Variants in CACNA1A observed in about 807,000 individuals in gnomAD.
CACNA1A encodes voltage-dependent P/Q-type calcium channel subunit alpha-1A.
CACNA1A carries 57 observed loss-of-function variants against 262.4 expected under a neutral mutation model. The ratio of observed to expected loss-of-function variants is 0.22; its 90% CI spans 0.18 to 0.27. The LOEUF (loss-of-function observed/expected upper bound fraction) is 0.27, where lower values mean the gene tolerates loss of function less well. Among genes scored for constraint, CACNA1A ranks in the 10% least tolerant of loss-of-function variants. CACNA1A has a pLI of 1.00. For missense variants in CACNA1A, 2,526 were observed against 3,562.8 expected (o/e 0.71, Z 7.41); for synonymous variants, 1,431 against 1,419.3 (o/e 1.01, Z -0.18).
rs528831342 is a variant in CACNA1A at position 13,252,241 on chromosome 19, T to A, written c.4866+750A>T. Among the ~76,000 whole-genome samples the A allele has an allele frequency of 1.7e-3, 235 of 140,844 alleles. 5 individuals are homozygous for A. In the South Asian group the frequency reaches 0.032, roughly 19 times the overall value. The allele number at this position is 140,844 out of a possible 152,430, so 92.4% of individuals were successfully genotyped here. ...CCATGCCTGGCTAATTAAAAAAAAA[T>A]TTTTTTTTTTTTTGTAGGGACAGGG... is the stretch of plus-strand genomic sequence containing the variant. On this transcript the variant is annotated intron_variant, in intron 30 of 46. Transcript: ENST00000360228.
chr19:13,503,170 T>A (rs1547985), intron 1 of CACNA1A, among the ~76,000 whole-genome samples: 110,299 of 152,056 alleles, frequency 0.73, 40,990 homozygotes, highest in African/African-American at 0.9. Flanking sequence ...CATACACAGA[T>A]GTGAGCAAAA....
At chr19:13,268,356 G>A (rs985372198) in intron 24 of CACNA1A, among the ~76,000 whole-genome samples, 9 of 151,956 alleles carry the variant, frequency 5.9e-5, no homozygotes, top group South Asian at 4.2e-4. Context: ...AGACTTGACC[G>A]CCATCAGAAT....
At chr19:13,260,019 G>C (rs114060162) in intron 26 of CACNA1A, 149 of 257,428 alleles carry the variant, frequency 5.8e-4, no homozygotes, top group African/African-American at 3.2e-3. Context: ...GCTGGGGGTG[G>C]GGTGGAGGGA....
chr19:13,224,831 G>T, intron 37 of CACNA1A, 59 bp from the exon 38 acceptor site: 1 of 1,274,574 alleles, frequency 7.8e-7, no homozygotes, highest in Non-Finnish European at 1.1e-6. Context: ...GGTCTCCCGT[G>T]AGCCGCGCCC....
In CACNA1A at chr19:13,212,717, C is replaced by T. The variant is rs1337457400; in HGVS notation, c.5964G>A (p.Gln1988=). The T allele has an allele frequency of 6.6e-7, 1 of 1,505,828 alleles. No individual in the cohort carries two copies. Among genetic ancestry groups the T allele is most frequent in the Non-Finnish European group, 8.9e-7 (1 of 1,128,038 alleles). The allele number at this position is 1,505,828 out of a possible 1,614,324, so 93.3% of individuals were successfully genotyped here. The change falls in exon 41 of 47, where the codon CAG becomes CAA. Residue 1988 remains glutamine (Q), a synonymous_variant. Coordinates refer to ENST00000360228, the MANE Select transcript of CACNA1A (RefSeq NM_001127222.2). The surrounding 1 kb of genome is among the most constrained non-coding windows in gnomAD (Gnocchi z 5.6). ...GCGTTGGGGACGGGGGCTCCATGCG[C>T]TGGAACATGAGGGGTGTCCGGTCCT... ...EEQDRTPLMF[Q]RMEPPSPTQE...
intron 30 of CACNA1A, among the ~76,000 whole-genome samples, chr19:13,246,500 C>T (rs1168422620): frequency 6.6e-6 from 1 of 152,170 alleles, no homozygotes; most frequent in Non-Finnish European, 1.5e-5. Context: ...GTAAAAAACC[C>T]TTCCCATCAA....
intron 36 of CACNA1A, chr19:13,229,703 A>T (rs746368031): frequency 5.9e-6 from 1 of 169,014 alleles, no homozygotes; most frequent in Admixed American, 6.0e-5. Flanking sequence ...TCCTCCCCAC[A>T]CTCTCAAGAG....
intron 28 of CACNA1A, among the ~76,000 whole-genome samples, chr19:13,255,677 C>T (rs111644363): frequency 0.027 from 3,859 of 144,916 alleles, 165 homozygotes; most frequent in African/African-American, 0.093. Context: ...TCGCTCCCTC[C>T]CTCCTTCCTT....
intron 43 of CACNA1A, chr19:13,211,008 T>G (rs1192782949): frequency 3.4e-6 from 1 of 292,892 alleles, no homozygotes; most frequent in Admixed American, 4.6e-5. Flanking sequence ...CCCCAACCCC[T>G]GGCTCCGGCC....
intron 37 of CACNA1A, chr19:13,224,981 T>G: frequency 2.1e-6 from 1 of 478,334 alleles, no homozygotes; most frequent in Non-Finnish European, 3.8e-6. Flanking sequence ...GTACTTCTGG[T>G]CCCCTGCCCT....
In CACNA1A at chr19:13,334,478, T is replaced by C; in HGVS notation, c.1098A>G (p.Glu366=). 4 of 1,609,090 alleles carry C rather than the reference T, an allele frequency of 2.5e-6. No homozygotes were observed. The highest frequency in any genetic ancestry group is 3.4e-6 in the Non-Finnish European group (4 of 1,175,604). ...CCCGCCGGTTCTCCACCCGTTCCCT[T>C]TCTTTGGCAAACTCCCTGGAGAAGC... The part of the protein sequence containing the change: ...LGVLSGEFAK[E]RERVENRRAF... Residue 366 remains glutamate, a synonymous_variant, in exon 8 of 47, where the codon GAA becomes GAG. Transcript: ENST00000360228.
chr19:13,499,851 C>T (rs1015291309), intron 1 of CACNA1A, among the ~76,000 whole-genome samples: 2 of 152,076 alleles, frequency 1.3e-5, no homozygotes, highest in Admixed American at 6.5e-5. Flanking sequence ...CTCGGAAATG[C>T]GTTACTGCAC....
intron 19 of CACNA1A, among the ~76,000 whole-genome samples, chr19:13,288,057 C>T (rs1027464222): frequency 6.6e-6 from 1 of 152,030 alleles, no homozygotes; most frequent in African/African-American, 2.4e-5. Flanking sequence ...TCCTCCTCGG[C>T]CTCCTAAAAT....
intron 6 of CACNA1A, among the ~76,000 whole-genome samples, chr19:13,350,285 C>A (rs2058883309): frequency 6.6e-6 from 1 of 152,132 alleles, no homozygotes; most frequent in Admixed American, 6.6e-5. Context: ...CTGAGCCAGA[C>A]ACGGATGGTG....
intron 22 of CACNA1A, among the ~76,000 whole-genome samples, chr19:13,282,013 C>T (rs2057303933): frequency 6.6e-6 from 1 of 152,252 alleles, no homozygotes. Flanking sequence ...GACACCTCCT[C>T]CCCACGCCTG....
At chr19:13,379,274 C>T (rs1470813806) in intron 3 of CACNA1A, among the ~76,000 whole-genome samples, 2 of 152,156 alleles carry the variant, frequency 1.3e-5, no homozygotes, top group East Asian at 3.8e-4. Context: ...TGTGCTCAGC[C>T]TTGATGGATT....
At chr19:13,486,537 A>G (rs1023320285) in intron 1 of CACNA1A, among the ~76,000 whole-genome samples, 1 of 152,238 alleles carries the variant, frequency 6.6e-6, no homozygotes, top group Non-Finnish European at 1.5e-5. Flanking sequence ...AAGATAACAT[A>G]GACACAGGAA....
intron 2 of CACNA1A, among the ~76,000 whole-genome samples, chr19:13,454,784 T>C (rs900163168): frequency 2.0e-5 from 3 of 151,964 alleles, no homozygotes; most frequent in Non-Finnish European, 4.4e-5. Flanking sequence ...GAGATCCCCA[T>C]CTCTACAAAA....
At chr19:13,495,881 C>G (rs1476389713) in intron 1 of CACNA1A, among the ~76,000 whole-genome samples, 1 of 152,042 alleles carries the variant, frequency 6.6e-6, no homozygotes, top group Non-Finnish European at 1.5e-5. Flanking sequence ...ACCAATCCAT[C>G]CAGTCATCCA....
Sources: allele counts gnomAD v4.1 joint callset (sites outside exome capture counted in the v4.1 genomes callset), GRCh38; gene constraint gnomAD v4.1.1; non-coding constraint Gnocchi (gnomAD v3.1); transcripts MANE v1.5; gene names NCBI Gene and HGNC (gene_info 2026-07-23, HGNC 2026-07-21).